Variants in XKR9 observed in about 807,000 individuals in gnomAD.
The protein encoded by XKR9 is XK related 9, also known as XK-related protein 9.
A neutral mutation model predicts 32.0 loss-of-function variants in XKR9; 32 were observed. That is an observed-to-expected ratio of 1.00 (90% CI 0.76 to 1.34). The LOEUF is 1.34. Among genes scored for constraint, XKR9 ranks in the 40% most tolerant of loss-of-function variants. The pLI, the probability that XKR9 is intolerant of heterozygous loss-of-function variation, is 0.00. For missense variants in XKR9, 546 were observed against 429.7 expected (o/e 1.27, Z -2.39); for synonymous variants, 168 against 143.4 (o/e 1.17, Z -1.22).
At chr8:70,750,680 G>A (rs1195876850) in intron 2 of XKR9, among the ~76,000 whole-genome samples, 1 of 151,886 alleles carries the variant, frequency 6.6e-6, no homozygotes, top group African/African-American at 2.4e-5. Flanking sequence ...AAATTCAATG[G>A]TTTTTAGCCT....
At chr8:70,960,978 T>C in the XKR9 span, among the ~76,000 whole-genome samples, 4 of 151,960 alleles carry the variant, frequency 2.6e-5, no homozygotes, top group Non-Finnish European at 5.9e-5. Flanking sequence ...GAGACCAGCC[T>C]GGCCAACATG....
At chr8:70,984,034 C>T in the XKR9 span, among the ~76,000 whole-genome samples, 10 of 152,064 alleles carry the variant, frequency 6.6e-5, no homozygotes, top group African/African-American at 2.4e-4. Context: ...AGAAACATCA[C>T]CTTAAATTAT....
chr8:70,800,556 G>T, the XKR9 span, among the ~76,000 whole-genome samples: 1 of 152,258 alleles, frequency 6.6e-6, no homozygotes, highest in African/African-American at 2.4e-5. Flanking sequence ...GGCGATTGTG[G>T]CTTACTGAAA....
intron 2 of XKR9, among the ~76,000 whole-genome samples, chr8:70,744,310 C>T (rs1410850711): frequency 2.7e-5 from 4 of 148,088 alleles, no homozygotes; most frequent in African/African-American, 7.5e-5. Flanking sequence ...GACTTCGCCT[C>T]AAAAAAAAAA....
At chr8:70,857,700 G>C in the XKR9 span, among the ~76,000 whole-genome samples, 1 of 152,072 alleles carries the variant, frequency 6.6e-6, no homozygotes, top group African/African-American at 2.4e-5. Flanking sequence ...GATGAACACC[G>C]ATGTAAAAAT....
the XKR9 span, among the ~76,000 whole-genome samples, chr8:70,899,634 T>C: frequency 6.6e-6 from 1 of 152,152 alleles, no homozygotes; most frequent in Non-Finnish European, 1.5e-5. Context: ...AGTTGCTTTT[T>C]AATTATGTCC....
At chr8:70,829,900 A>AT in the XKR9 span, among the ~76,000 whole-genome samples, 2 of 149,130 alleles carry the variant, frequency 1.3e-5, no homozygotes, top group East Asian at 1.9e-4. Flanking sequence ...TTTAATTTTT[A>AT]TTTTTTTGAT....
chr8:70,756,791 C>T (rs989367886), intron 2 of XKR9, among the ~76,000 whole-genome samples: 5 of 152,154 alleles, frequency 3.3e-5, no homozygotes, highest in Non-Finnish European at 7.4e-5. Flanking sequence ...ATGTCATCTG[C>T]AAATAGAGAT....
chr8:70,705,057 CAAAG>C (rs1805672251), intron 3 of XKR9, among the ~76,000 whole-genome samples: 1 of 152,070 alleles, frequency 6.6e-6, no homozygotes, highest in Non-Finnish European at 1.5e-5. Context: ...TTTTGCCAGA[CAAAG>C]AATCTTTGCA....
At chr8:70,807,161 A>G in the XKR9 span, among the ~76,000 whole-genome samples, 1 of 152,216 alleles carries the variant, frequency 6.6e-6, no homozygotes, top group African/African-American at 2.4e-5. Context: ...ATATCCAGCC[A>G]GTAAGCTTCA....
intron 4 of XKR9, among the ~76,000 whole-genome samples, chr8:70,710,422 T>A (rs1321082026): frequency 3.9e-5 from 6 of 152,094 alleles, no homozygotes; most frequent in African/African-American, 9.7e-5. Context: ...GATTGCAGGC[T>A]GGGCACTGTG....
At chr8:70,781,442 G>A (rs1286397620) in intron 2 of XKR9, among the ~76,000 whole-genome samples, 1 of 151,450 alleles carries the variant, frequency 6.6e-6, no homozygotes, top group Non-Finnish European at 1.5e-5. Context: ...ATGGGATACA[G>A]GGTGATATTC....
At chr8:70,934,336 C>A in the XKR9 span, among the ~76,000 whole-genome samples, 1 of 151,908 alleles carries the variant, frequency 6.6e-6, no homozygotes, top group Non-Finnish European at 1.5e-5. Context: ...GTTTGATGGG[C>A]TGATGTTCAT....
chr8:70,724,551 G>C (rs1318558310), intron 4 of XKR9, among the ~76,000 whole-genome samples: 1 of 152,120 alleles, frequency 6.6e-6, no homozygotes, highest in South Asian at 2.1e-4. Flanking sequence ...TGGTCTACGG[G>C]TTGCAAAAAC....
chr8:70,734,483 T>C lies in XKR9; in HGVS notation c.*59T>C, dbSNP rs1586873115. The stretch of plus-strand genomic sequence containing the variant: ...TTGTTTCATTGGTTAGTAAAGAAAA[T>C]GTGTGTTATGTGGGTGTGTTGTCTC... On this transcript the variant is annotated 3_prime_UTR_variant, in exon 5 of 5. Transcript: ENST00000408926. 7.0e-7 allele frequency: 1 copy of C among 1,430,372 alleles called. No homozygotes were observed. Among genetic ancestry groups the C allele is most frequent in the Non-Finnish European group, 9.1e-7 (1 of 1,100,932 alleles). The allele number at this position is 1,430,372 out of a possible 1,614,324, so 88.6% of individuals were successfully genotyped here. A position where few individuals can be genotyped will look rare whatever the true frequency, so the allele number is the denominator to read the frequency against.
chr8:70,886,393 G>A, the XKR9 span, among the ~76,000 whole-genome samples: 1 of 152,094 alleles, frequency 6.6e-6, no homozygotes, highest in East Asian at 1.9e-4. Context: ...TATAATCTTT[G>A]GGTGTATACC....
At chr8:70,695,309 T>G (rs1201956402) in intron 3 of XKR9, among the ~76,000 whole-genome samples, 4 of 131,910 alleles carry the variant, frequency 3.0e-5, no homozygotes, top group Admixed American at 7.2e-5. Context: ...GTATATCTCC[T>G]AATGCTATCC....
chr8:70,849,107 G>A, the XKR9 span, among the ~76,000 whole-genome samples: 7 of 152,084 alleles, frequency 4.6e-5, no homozygotes, highest in African/African-American at 1.7e-4. Context: ...TAATAGACAA[G>A]TACAGAACTC....
chr8:70,884,654 A>G, the XKR9 span, among the ~76,000 whole-genome samples: 1 of 152,162 alleles, frequency 6.6e-6, no homozygotes, highest in Non-Finnish European at 1.5e-5. Context: ...TTCTATCACC[A>G]TTAAATTGCC....
Sources: gnomAD v4.1 joint callset for allele counts (sites outside exome capture counted in the v4.1 genomes callset) on GRCh38, gnomAD v4.1.1 for gene constraint, MANE v1.5 for transcripts, NCBI Gene and HGNC (gene_info 2026-07-23, HGNC 2026-07-21) for gene names.